Variants in KCNJ1 observed in about 807,000 individuals in gnomAD.
KCNJ1 encodes potassium inwardly rectifying channel subfamily J member 1.
In KCNJ1, 24 loss-of-function variants were observed where a neutral mutation model predicts 21.9. That is an observed-to-expected ratio of 1.10 (90% CI 0.79 to 1.54). The LOEUF (loss-of-function observed/expected upper bound fraction) is 1.54. Among genes scored for constraint, KCNJ1 ranks in the 40% most tolerant of loss-of-function variants. The pLI is 0.00. For synonymous variants in KCNJ1, 152 were observed against 160.9 expected (o/e 0.94, Z 0.42); for missense variants, 457 against 455.4 (o/e 1.00, Z -0.03).
At chr11:128,852,897 C>T (rs1251320034) in intron 1 of KCNJ1, among the ~76,000 whole-genome samples, 1 of 152,274 alleles carries the variant, frequency 6.6e-6, no homozygotes, top group East Asian at 1.9e-4. Context: ...TCAGGGCCCT[C>T]ACTGAGACCG....
chr11:128,855,302 T>C (rs1943568324), intron 1 of KCNJ1, among the ~76,000 whole-genome samples: 1 of 152,144 alleles, frequency 6.6e-6, no homozygotes, highest in Non-Finnish European at 1.5e-5. Flanking sequence ...CCAACATCAT[T>C]TGAGTCCTGA....
At position 128,839,940 on chromosome 11, in the gene KCNJ1, A is replaced by G. The variant is rs1943251636; in HGVS notation, c.304T>C (p.Cys102Arg). The stretch of plus-strand genomic sequence containing the variant: ...GTCAAGCCATTAATATTCTCCACAC[A>G]GGGAGTGTGATTGGCAGAAGGATGG... ...EFHPSANHTP[C>R]VENINGLTSA... The change falls in exon 3 of 3, where the codon TGT (cysteine) becomes CGT (arginine). Residue 102 changes from cysteine to arginine, a missense_variant. By Grantham distance (180) the Cys-to-Arg change is radical (BLOSUM62 -3). Coordinates refer to ENST00000392666, the MANE Select transcript of KCNJ1 (RefSeq NM_153766.3). 2 of 1,613,864 alleles carry G rather than the reference A, an allele frequency of 1.2e-6. No individual in the cohort carries two copies. Among genetic ancestry groups the G allele is most frequent in the Non-Finnish European group, 1.7e-6 (2 of 1,179,848 alleles).
chr11:128,861,970 G>A (rs566997690), intron 1 of KCNJ1, among the ~76,000 whole-genome samples: 2 of 152,222 alleles, frequency 1.3e-5, no homozygotes, highest in East Asian at 1.9e-4. Context: ...CGCTTCTCCG[G>A]TGGCTGCCTA....
At chr11:128,844,837 T>C (rs1261845302) in intron 2 of KCNJ1, among the ~76,000 whole-genome samples, 2 of 150,444 alleles carry the variant, frequency 1.3e-5, no homozygotes, top group Non-Finnish European at 3.0e-5. Flanking sequence ...TGTTCCTCTA[T>C]AGAAATGGAA....
intron 2 of KCNJ1, among the ~76,000 whole-genome samples, chr11:128,849,091 G>A (rs1943437917): frequency 6.6e-6 from 1 of 152,182 alleles, no homozygotes; most frequent in South Asian, 2.1e-4. Flanking sequence ...GTCATCCGAG[G>A]CACGGATACA....
At chr11:128,847,503 CA>C (rs2135947547) in intron 2 of KCNJ1, among the ~76,000 whole-genome samples, 2 of 152,310 alleles carry the variant, frequency 1.3e-5, no homozygotes, top group South Asian at 4.1e-4. Context: ...AGTGAAGAAT[CA>C]AGGATATAGC....
chr11:128,854,583 A>T (rs1943548765), intron 1 of KCNJ1, among the ~76,000 whole-genome samples: 4 of 152,170 alleles, frequency 2.6e-5, no homozygotes, highest in African/African-American at 4.8e-5. Flanking sequence ...ACAACAGGGC[A>T]CAGAGTTGTG....
chr11:128,840,420 A>G lies in KCNJ1; in HGVS notation c.-21-156T>C, dbSNP rs866294870. Among the ~76,000 whole-genome samples the G allele has an allele frequency of 3.9e-5, 6 of 152,122 alleles. No homozygotes were observed. In the South Asian group the frequency reaches 8.3e-4, roughly 21 times the overall value. On this transcript the variant is annotated intron_variant, in intron 2 of 2. Transcript: ENST00000392666. ...TGACAAGTTTATTCTGGATACCACA[A>G]TGCTATTTCTGATAGAAACTTTCCA... is the stretch of plus-strand genomic sequence containing the variant.
chr11:128,862,188 C>T (rs1301506026), intron 1 of KCNJ1, among the ~76,000 whole-genome samples: 1 of 152,170 alleles, frequency 6.6e-6, no homozygotes, highest in African/African-American at 2.4e-5. Flanking sequence ...AAACACCCAG[C>T]CAAAGGAGCA....
intron 1 of KCNJ1, among the ~76,000 whole-genome samples, chr11:128,865,044 C>A (rs1303160542): frequency 1.3e-5 from 2 of 152,086 alleles, no homozygotes. Flanking sequence ...CCCTGGCCAC[C>A]CACCCTCAGC....
intron 1 of KCNJ1, among the ~76,000 whole-genome samples, chr11:128,866,817 C>A (rs1280694156): frequency 6.6e-6 from 1 of 152,128 alleles, no homozygotes; most frequent in Non-Finnish European, 1.5e-5. Context: ...TGTTACTAGG[C>A]AAGGTCTTGC....
chr11:128,860,529 A>G (rs1037074461), intron 1 of KCNJ1, among the ~76,000 whole-genome samples: 1 of 152,238 alleles, frequency 6.6e-6, no homozygotes, highest in Non-Finnish European at 1.5e-5. Context: ...GCCGTCACTA[A>G]GTCAGAGATT....
intron 2 of KCNJ1, among the ~76,000 whole-genome samples, chr11:128,849,531 G>A (rs1035236096): frequency 6.6e-6 from 1 of 152,228 alleles, no homozygotes; most frequent in Non-Finnish European, 1.5e-5. Flanking sequence ...GCTCGATGGA[G>A]AGGGCAGCAG....
rs558803580 is a variant in KCNJ1 at position 128,857,502 on chromosome 11, C to A, written c.-191-6612G>T. On this transcript the variant is annotated intron_variant, in intron 1 of 2. Transcript: ENST00000392666. The stretch of plus-strand genomic sequence containing the variant: ...CTTTCTTGACCAAGGTCAGTGCCCT[C>A]CCCTGGGCTGGGAGTGCCACAAGTG... Among the ~76,000 whole-genome samples, 34 of 152,344 alleles carry A rather than the reference C, an allele frequency of 2.2e-4. No homozygotes were observed. In the South Asian group the frequency reaches 7.0e-3, roughly 32 times the overall value.
chr11:128,852,252 A>C (rs929695647), intron 1 of KCNJ1, among the ~76,000 whole-genome samples: 15 of 152,206 alleles, frequency 9.9e-5, no homozygotes, highest in African/African-American at 3.1e-4. Flanking sequence ...AGCTCCTGCC[A>C]TGCATTGAAT....
rs554470813 is a variant in KCNJ1 at position 128,865,901 on chromosome 11, A to C, written c.-192+1272T>G. ...AAACCAAAAGTCATTAAAGCATTAA[A>C]GATTAAGACCCACTCACAAGGAATT... On this transcript the variant is annotated intron_variant, in intron 1 of 2. Transcript: ENST00000392666. 9.6e-4 allele frequency among the ~76,000 whole-genome samples: 146 copies of C among 152,330 alleles called. 1 individual carries two copies. Among genetic ancestry groups the C allele is most frequent in the African/African-American group, 3.2e-3 (134 of 41,572 alleles).
chr11:128,839,700 T>C lies in KCNJ1; in HGVS notation c.544A>G (p.Ser182Gly). The change falls in exon 3 of 3, where the codon AGC (serine) becomes GGC (glycine). Residue 182 changes from serine (S) to glycine (G), a missense_variant. Ser to Gly is a moderately conservative substitution (Grantham distance 56). Transcript: ENST00000392666. ...AGGCAAAGCTTCCCTCCCCGTTTGC[T>C]GATCACTGCGTTCTTGCTGAACGTA... is the stretch of plus-strand genomic sequence containing the variant. ...TITFSKNAVI[S>G]KRGGKLCLLI... 1 of 1,613,322 alleles carries C rather than the reference T, an allele frequency of 6.2e-7. No homozygotes were observed. Among genetic ancestry groups the C allele is most frequent in the Non-Finnish European group, 8.5e-7 (1 of 1,179,732 alleles).
At chr11:128,860,653 C>G (rs561525220) in intron 1 of KCNJ1, among the ~76,000 whole-genome samples, 31 of 152,120 alleles carry the variant, frequency 2.0e-4, no homozygotes, top group Middle Eastern at 3.2e-3. Flanking sequence ...GGCCTGGAGA[C>G]GCAATAGCCT....
chr11:128,839,159 G>C lies in KCNJ1; in HGVS notation c.1085C>G (p.Ser362Ter), dbSNP rs1943221281. 6.2e-7 allele frequency: 1 copy of C among 1,614,084 alleles called. No individual in the cohort carries two copies. The highest frequency in any genetic ancestry group is 8.5e-7 in the Non-Finnish European group (1 of 1,180,010). ...GGTGTCATCTGTTTCATTGACTTCTGACAAGATGAAGTTGGGGTTGTCATA... is the reference window on the plus strand; with the variant it reads ...GGTGTCATCTGTTTCATTGACTTCTCACAAGATGAAGTTGGGGTTGTCATA... ...RGYDNPNFILSEVNETDDTKM is the reference protein window; with the variant it reads ...RGYDNPNFIL The change falls in exon 3 of 3, where the codon TCA becomes TGA. Residue 362 changes from serine (S) to a stop codon, truncating the protein, a stop_gained. Transcript: ENST00000392666. LOFTEE classifies it high-confidence loss of function.
Sources: gnomAD v4.1 joint callset for allele counts (sites outside exome capture counted in the v4.1 genomes callset) on GRCh38, gnomAD v4.1.1 for gene constraint, MANE v1.5 for transcripts, NCBI Gene and HGNC (gene_info 2026-07-23, HGNC 2026-07-21) for gene names.